SLIT1: variants seen among roughly 807,000 people sequenced by gnomAD.
The protein encoded by SLIT1 is slit homolog 1 protein.
SLIT1 carries 66 observed loss-of-function variants against 186.1 expected under a neutral mutation model. The ratio of observed to expected loss-of-function variants is 0.35; its 90% CI spans 0.29 to 0.44. SLIT1 has a LOEUF of 0.44. SLIT1 is among the 20% of genes least tolerant of loss of function. The probability of loss-of-function intolerance (pLI) is 1.00; values close to 1 mark genes in which losing one functional copy is unlikely to be tolerated. For synonymous variants in SLIT1, 761 were observed against 833.8 expected, an observed-to-expected ratio of 0.91 and a Z score of 1.50; for missense variants, 1,638 against 2,037.4, an observed-to-expected ratio of 0.80 and a Z score of 3.77.
chr10:97,068,773 A>G lies in SLIT1; in HGVS notation c.414-2687T>C, dbSNP rs1375902151. Among the ~76,000 whole-genome samples the G allele has an allele frequency of 1.3e-5, 2 of 151,992 alleles. No homozygotes were observed. The highest frequency in any genetic ancestry group is 1.5e-5 in the Non-Finnish European group (1 of 67,990). ...ACTTGTGCCATATCGCCAGCTCCCC[A>G]GTGTAGTCTGTCAGTATTCCTGGAG... On this transcript the variant is annotated intron_variant, in intron 4 of 36. Coordinates refer to ENST00000266058, the MANE Select transcript of SLIT1 (RefSeq NM_003061.3). This position sits in a 1 kb window ranked among gnomAD's most constrained non-coding sequence, Gnocchi z 4.2.
chr10:97,163,525 G>A (rs1011968969), intron 2 of SLIT1, 74 bp from the exon 3 acceptor site: 28 of 1,303,640 alleles, frequency 2.1e-5, no homozygotes, highest in Non-Finnish European at 3.0e-5. Context: ...GCACAACGGC[G>A]GGGCAGAGGC....
At position 97,043,222 on chromosome 10, in the gene SLIT1, G is replaced by A; in HGVS notation, c.1997+148C>T. 4.5e-6 allele frequency: 6 copies of A among 1,320,914 alleles called. No homozygotes were observed. The highest frequency in any genetic ancestry group is 5.3e-6 in the Non-Finnish European group (5 of 941,804). 81.8% of individuals were successfully genotyped at this position (1,320,914 alleles called of 1,614,324 possible). A position where few individuals can be genotyped will look rare whatever the true frequency, so the allele number is the denominator to read the frequency against. Reference sequence around the variant, plus strand: ...CCAAGAGGACCGGCTCTGAGGACCGGAGGGAGACTTCGAAATGTGGAACCC... The same window carrying A: ...CCAAGAGGACCGGCTCTGAGGACCGAAGGGAGACTTCGAAATGTGGAACCC... On this transcript the variant is annotated intron_variant, in intron 19 of 36. Coordinates refer to ENST00000266058, the MANE Select transcript of SLIT1 (RefSeq NM_003061.3). The surrounding 1 kb of genome is among the most constrained non-coding windows in gnomAD (Gnocchi z 7.0).
At chr10:97,150,152 G>T (rs993965568) in intron 4 of SLIT1, among the ~76,000 whole-genome samples, 10 of 152,272 alleles carry the variant, frequency 6.6e-5, no homozygotes, top group Admixed American at 6.5e-4. Flanking sequence ...TCTGGCTGGG[G>T]AGGGGCGGCT....
chr10:97,175,866 C>T (rs1483170790), intron 1 of SLIT1, among the ~76,000 whole-genome samples: 1 of 152,190 alleles, frequency 6.6e-6, no homozygotes, highest in Non-Finnish European at 1.5e-5. Context: ...CCACGCTCCA[C>T]CCCCAGACCA....
intron 4 of SLIT1, among the ~76,000 whole-genome samples, chr10:97,090,560 G>A (rs1849219821): frequency 6.7e-6 from 1 of 149,354 alleles, no homozygotes; most frequent in Admixed American, 6.7e-5. Context: ...TTTATAAGGA[G>A]AACTGGTTTC....
chr10:97,184,397 G>A lies in SLIT1; in HGVS notation c.197+1081C>T, dbSNP rs565779208. ...AAAATCTCCTGGTGTAGTCACCTCT[G>A]CGAGCAGTACAAAGGCCCTGCATGT... On this transcript the variant is annotated intron_variant, in intron 1 of 36. Coordinates refer to ENST00000266058, the MANE Select transcript of SLIT1 (RefSeq NM_003061.3). The surrounding 1 kb of genome is among the most constrained non-coding windows in gnomAD (Gnocchi z 4.4). 1.3e-5 allele frequency among the ~76,000 whole-genome samples: 2 copies of A among 152,218 alleles called. No homozygotes were observed. Among genetic ancestry groups the A allele is most frequent in the South Asian group, 4.1e-4 (2 of 4,822 alleles).
chr10:97,041,697 C>G (rs1848692172), intron 20 of SLIT1, among the ~76,000 whole-genome samples: 1 of 152,278 alleles, frequency 6.6e-6, no homozygotes, highest in East Asian at 1.9e-4. Context: ...GTCTTGAACT[C>G]CTGACCTCAG....
rs369674239 is a variant in SLIT1 at position 97,157,106 on chromosome 10, T to C, written c.413+712A>G. Among the ~76,000 whole-genome samples, 7 of 152,286 alleles carry C rather than the reference T, an allele frequency of 4.6e-5. No individual in the cohort carries two copies. The East Asian group carries it at 1.2e-3, about 25-fold the overall frequency. On this transcript the variant is annotated intron_variant, in intron 4 of 36. Transcript: ENST00000266058. ...ATTTGTCCAGTGATAGAGTTGATTG[T>C]CTGCAGAGGTGGTGAGCTCCCCATC...
intron 4 of SLIT1, among the ~76,000 whole-genome samples, chr10:97,127,320 G>C (rs958453963): frequency 4.0e-5 from 6 of 151,836 alleles, no homozygotes; most frequent in Non-Finnish European, 8.8e-5. Flanking sequence ...TTGGTTTCCA[G>C]TCTGACATTT....
At chr10:97,170,210 C>T (rs1850169604) in intron 1 of SLIT1, among the ~76,000 whole-genome samples, 1 of 152,246 alleles carries the variant, frequency 6.6e-6, no homozygotes, top group African/African-American at 2.4e-5. Flanking sequence ...TCCTGCTCCA[C>T]CATTACACTG....
At chr10:97,120,598 C>A (rs1849552366) in intron 4 of SLIT1, among the ~76,000 whole-genome samples, 1 of 152,224 alleles carries the variant, frequency 6.6e-6, no homozygotes, top group African/African-American at 2.4e-5. Flanking sequence ...TCCTTCCTGG[C>A]TCCACATTTT....
At chr10:97,034,237 AT>A (rs1848617975) in intron 23 of SLIT1, among the ~76,000 whole-genome samples, 1 of 151,974 alleles carries the variant, frequency 6.6e-6, no homozygotes, top group Non-Finnish European at 1.5e-5. Flanking sequence ...CTGTATATTT[AT>A]TTTTTTGCAC....
chr10:97,013,655 A>G (rs1173637246), intron 30 of SLIT1, 86 bp downstream of exon 30: 6 of 930,450 alleles, frequency 6.4e-6, no homozygotes, highest in Non-Finnish European at 1.0e-5. Context: ...TGAGGGAATG[A>G]GGGTGGGGCA....
At chr10:97,149,517 C>T (rs1006934577) in intron 4 of SLIT1, among the ~76,000 whole-genome samples, 3 of 152,248 alleles carry the variant, frequency 2.0e-5, no homozygotes, top group South Asian at 2.1e-4. Flanking sequence ...CCTCCTAAGA[C>T]TCACCATGCC....
chr10:97,112,207 C>T (rs1341225134), intron 4 of SLIT1, among the ~76,000 whole-genome samples: 1 of 152,196 alleles, frequency 6.6e-6, no homozygotes, highest in African/African-American at 2.4e-5. Context: ...CTCTAGGGAG[C>T]CTCTGCCAAG....
chr10:97,003,581 C>T (rs779161549), intron 34 of SLIT1, among the ~76,000 whole-genome samples: 13 of 152,214 alleles, frequency 8.5e-5, no homozygotes, highest in Admixed American at 2.0e-4. Context: ...CTGCATCCAG[C>T]AGCCTGCTCA....
intron 4 of SLIT1, among the ~76,000 whole-genome samples, chr10:97,141,780 T>C (rs1355249933): frequency 6.6e-6 from 1 of 151,620 alleles, no homozygotes; most frequent in Non-Finnish European, 1.5e-5. Context: ...TCGTACTGTA[T>C]TGTATTGTAC....
chr10:97,087,099 T>TA (rs35370922), intron 4 of SLIT1, among the ~76,000 whole-genome samples: 92,149 of 140,650 alleles, frequency 0.66, 32,292 homozygotes, highest in South Asian at 0.78. Flanking sequence ...TTAAAACAAT[T>TA]AAAAAAAAAA....
At chr10:97,084,831 T>C (rs975560242) in intron 4 of SLIT1, among the ~76,000 whole-genome samples, 19 of 152,132 alleles carry the variant, frequency 1.2e-4, no homozygotes, top group African/African-American at 3.6e-4. Context: ...GTTCTCAACC[T>C]CTTGGCCTCA....
Sources: gnomAD v4.1 joint callset for allele counts (sites outside exome capture counted in the v4.1 genomes callset) on GRCh38, gnomAD v4.1.1 for gene constraint, Gnocchi (gnomAD v3.1) non-coding constraint, MANE v1.5 for transcripts, NCBI Gene and HGNC (gene_info 2026-07-23, HGNC 2026-07-21) for gene names.